The following ZFHX3 variants were observed in gnomAD, a reference collection of about 807,000 sequenced individuals.
ZFHX3 encodes the protein zinc finger homeobox protein 3.
A neutral mutation model predicts 279.1 loss-of-function variants in ZFHX3; 42 were observed. That is an observed-to-expected ratio of 0.15 (90% CI 0.12 to 0.19). The LOEUF is 0.19. Ranked by LOEUF, ZFHX3 falls within the 10% of genes least tolerant of loss-of-function variation. The pLI is 1.00. For missense variants in ZFHX3, 4,981 were observed against 4,754.0 expected (o/e 1.05, Z -1.40); for synonymous variants, 2,293 against 1,957.8 (o/e 1.17, Z -4.52).
chr16:73,222,801 C>T (rs934780643), intron 5 of ZFHX3, among the ~76,000 whole-genome samples: 39 of 152,138 alleles, frequency 2.6e-4, no homozygotes, highest in African/African-American at 9.4e-4. Context: ...AGGACAGGTA[C>T]TAGCCAACGT....
chr16:72,985,799 G>A (rs1159732724), intron 1 of ZFHX3, among the ~76,000 whole-genome samples: 1 of 152,074 alleles, frequency 6.6e-6, no homozygotes, highest in East Asian at 1.9e-4. Flanking sequence ...CGCCCAACCA[G>A]GGAAGGCACA....
chr16:73,355,795 G>T (rs1447144167), intron 3 of ZFHX3, among the ~76,000 whole-genome samples: 1 of 152,168 alleles, frequency 6.6e-6, no homozygotes, highest in Non-Finnish European at 1.5e-5. Flanking sequence ...TTCCAGGGCT[G>T]TGCTGCTGAT....
chr16:73,455,392 G>A (rs2018354283), intron 3 of ZFHX3, among the ~76,000 whole-genome samples: 1 of 152,112 alleles, frequency 6.6e-6, no homozygotes, highest in Admixed American at 6.6e-5. Context: ...TAAAGACCCA[G>A]GGGGCTAAAC....
chr16:72,994,206 G>T (rs1246218253), intron 1 of ZFHX3, among the ~76,000 whole-genome samples: 1 of 152,096 alleles, frequency 6.6e-6, no homozygotes, highest in Admixed American at 6.5e-5. Flanking sequence ...AGTGAATTTT[G>T]CCTACCAGGT....
intron 3 of ZFHX3, among the ~76,000 whole-genome samples, chr16:73,426,000 T>C (rs1026822577): frequency 6.6e-6 from 1 of 152,208 alleles, no homozygotes; most frequent in Non-Finnish European, 1.5e-5. Flanking sequence ...TTTCACTTTT[T>C]CTTCCTTTTG....
intron 2 of ZFHX3, among the ~76,000 whole-genome samples, chr16:73,552,795 C>A (rs74030110): frequency 0.028 from 4,211 of 152,196 alleles, 208 homozygotes; most frequent in African/African-American, 0.095. Context: ...ATTAAAAAAA[C>A]CTTAGATTTT....
Position 72,793,519 on chromosome 16 carries a change from T to C in ZFHX3, c.9163A>G (p.Thr3055Ala). 6.2e-7 allele frequency: 1 copy of C among 1,614,190 alleles called. No homozygotes were observed. The highest frequency in any genetic ancestry group is 1.1e-5 in the South Asian group (1 of 91,084). Residue 3055 changes from threonine (T) to alanine (A), a missense_variant, in exon 9 of 10, where the codon ACC becomes GCC. This residue lies in a region of ZFHX3 where 168 missense variants were observed against 249.1 expected (regional missense o/e 0.67). Transcript: ENST00000268489. This position sits in a 1 kb window ranked among gnomAD's most constrained non-coding sequence, Gnocchi z 4.3. ...SQQHISKVKD[T>A]IGSQLDKEKE... ...TCCTTGTCCAGCTGGCTTCCAATGG[T>C]GTCTTTAACTTTGGAGATATGCTGT...
At chr16:72,928,258 A>T (rs1959597315) in intron 3 of ZFHX3, among the ~76,000 whole-genome samples, 1 of 100,536 alleles carries the variant, frequency 9.9e-6, no homozygotes, top group South Asian at 2.8e-4. Flanking sequence ...TAAGGGGAAG[A>T]TGGAAAGAGC....
At chr16:73,466,424 G>A (rs1485119263) in intron 2 of ZFHX3, among the ~76,000 whole-genome samples, 1 of 152,238 alleles carries the variant, frequency 6.6e-6, no homozygotes, top group Non-Finnish European at 1.5e-5. Context: ...TGGGGTTGCA[G>A]TAAGCTGTGA....
At chr16:72,912,787 C>T (rs561266761) in intron 3 of ZFHX3, among the ~76,000 whole-genome samples, 4 of 152,218 alleles carry the variant, frequency 2.6e-5, no homozygotes, top group African/African-American at 7.2e-5. Context: ...TGCAGTGGGG[C>T]CATCTCAGCT....
At chr16:73,098,099 G>A (rs540479654) in intron 7 of ZFHX3, among the ~76,000 whole-genome samples, 39 of 141,370 alleles carry the variant, frequency 2.8e-4, no homozygotes, top group Middle Eastern at 3.9e-3. Context: ...ATGGAGTCTC[G>A]CTTTGTCACC....
At chr16:73,547,047 G>A (rs1010555151) in intron 2 of ZFHX3, among the ~76,000 whole-genome samples, 5 of 151,882 alleles carry the variant, frequency 3.3e-5, no homozygotes, top group African/African-American at 1.2e-4. Flanking sequence ...ATCTTGAGAG[G>A]GGTCCTTTTC....
chr16:73,256,034 T>G (rs7404068), intron 5 of ZFHX3, among the ~76,000 whole-genome samples: 110,017 of 152,148 alleles, frequency 0.72, 40,653 homozygotes, highest in South Asian at 0.89. Context: ...CATAGCAAAA[T>G]AGCGACGGCA....
intron 2 of ZFHX3, among the ~76,000 whole-genome samples, chr16:73,474,190 C>T (rs1268563068): frequency 6.6e-6 from 1 of 152,050 alleles, no homozygotes; most frequent in Non-Finnish European, 1.5e-5. Context: ...CTCTGTCACC[C>T]AGGCTGGAGT....
chr16:72,929,314 G>T (rs1959662657), intron 3 of ZFHX3, among the ~76,000 whole-genome samples: 1 of 151,852 alleles, frequency 6.6e-6, no homozygotes, highest in South Asian at 2.1e-4. Context: ...TTTTGATATT[G>T]GTTCTACCTA....
chr16:72,851,725 A>AT (rs1255526035), intron 4 of ZFHX3, among the ~76,000 whole-genome samples: 1 of 151,808 alleles, frequency 6.6e-6, no homozygotes, highest in East Asian at 1.9e-4. Flanking sequence ...TAATTTTTGT[A>AT]TTTTTAATAG....
intron 1 of ZFHX3, among the ~76,000 whole-genome samples, chr16:73,845,116 G>A (rs905286381): frequency 6.6e-6 from 1 of 152,100 alleles, no homozygotes; most frequent in Non-Finnish European, 1.5e-5. Context: ...ATTTCCTGAA[G>A]GAAGTGAGTT....
chr16:73,037,602 G>A (rs1964958449), intron 1 of ZFHX3, among the ~76,000 whole-genome samples: 2 of 152,180 alleles, frequency 1.3e-5, no homozygotes, highest in South Asian at 2.1e-4. Flanking sequence ...GCTCTGGCAA[G>A]CTTGTGGCAC....
chr16:73,804,398 C>A (rs1156428333), intron 1 of ZFHX3, among the ~76,000 whole-genome samples: 1 of 152,174 alleles, frequency 6.6e-6, no homozygotes, highest in African/African-American at 2.4e-5. Context: ...AGGATGGCCA[C>A]GCAGTCCAAA....
Sources: gnomAD v4.1 joint callset for allele counts (sites outside exome capture counted in the v4.1 genomes callset) on GRCh38, gnomAD v4.1.1 for gene constraint, gnomAD v4.1.1 regional missense constraint, Gnocchi (gnomAD v3.1) non-coding constraint, MANE v1.5 for transcripts, NCBI Gene and HGNC (gene_info 2026-07-23, HGNC 2026-07-21) for gene names.